The following ULK4 variants were observed in gnomAD, a reference collection of about 807,000 sequenced individuals.
ULK4 encodes the protein unc-51 like kinase 4.
A neutral mutation model predicts 160.6 loss-of-function variants in ULK4; 133 were observed. The observed-to-expected ratio is 0.83, with a 90% CI of 0.72 to 0.96. The LOEUF is 0.96. ULK4 is among the 40% of genes least tolerant of loss of function. The pLI is 0.00. For missense variants in ULK4, 1,580 were observed against 1,499.5 expected, an observed-to-expected ratio of 1.05 and a Z score of -0.89; for synonymous variants, 534 against 539.8, an observed-to-expected ratio of 0.99 and a Z score of 0.15.
chr3:41,883,136 G>A (rs1412578218), intron 17 of ULK4, among the ~76,000 whole-genome samples: 2 of 152,086 alleles, frequency 1.3e-5, no homozygotes, highest in Non-Finnish European at 2.9e-5. Context: ...GGCCAGCTGG[G>A]ATACTATCCC....
At chr3:41,814,480 G>A (rs12631935) in intron 19 of ULK4, among the ~76,000 whole-genome samples, 8,406 of 152,144 alleles carry the variant, frequency 0.055, 420 homozygotes, top group East Asian at 0.16. Flanking sequence ...TGTCACTTTG[G>A]AGAGATGTTT....
intron 31 of ULK4, among the ~76,000 whole-genome samples, chr3:41,586,105 TTAAAG>T (rs936814646): frequency 2.0e-5 from 3 of 152,138 alleles, no homozygotes; most frequent in African/African-American, 4.8e-5. Flanking sequence ...CTCAAAACAT[TTAAAG>T]TAAAGTTTTC....
chr3:41,483,137 A>G (rs1435953130), intron 32 of ULK4, among the ~76,000 whole-genome samples: 2 of 151,998 alleles, frequency 1.3e-5, no homozygotes, highest in Non-Finnish European at 2.9e-5. Context: ...TGTACCTGTT[A>G]ACCATCCCCA....
At chr3:41,255,762 C>G (rs2222576) in intron 35 of ULK4, among the ~76,000 whole-genome samples, 1,715 of 152,218 alleles carry the variant, frequency 0.011, 30 homozygotes, top group African/African-American at 0.031. Context: ...GTGAGAATTA[C>G]ATAAATCCAC....
At chr3:41,770,831 T>A (rs1288782614) in intron 21 of ULK4, among the ~76,000 whole-genome samples, 3 of 152,160 alleles carry the variant, frequency 2.0e-5, no homozygotes, top group Non-Finnish European at 4.4e-5. Flanking sequence ...ACTTTCTGAA[T>A]CATAAGTAAA....
At chr3:41,434,955 G>T (rs1384527022) in intron 34 of ULK4, among the ~76,000 whole-genome samples, 3 of 152,186 alleles carry the variant, frequency 2.0e-5, no homozygotes, top group African/African-American at 7.2e-5. Context: ...GTTTCTGCAT[G>T]ACGAATTTTG....
intron 35 of ULK4, among the ~76,000 whole-genome samples, chr3:41,279,271 A>AAAAAC (rs1479245635): frequency 1.4e-5 from 2 of 145,810 alleles, no homozygotes; most frequent in Non-Finnish European, 1.5e-5. Context: ...AAAAAAAAAA[A>AAAAAC]AAAACAAAAC....
At chr3:41,312,954 ATAAAT>A (rs1559519213) in intron 35 of ULK4, among the ~76,000 whole-genome samples, 1 of 152,226 alleles carries the variant, frequency 6.6e-6, no homozygotes, top group Non-Finnish European at 1.5e-5. Context: ...ATACAAACAA[ATAAAT>A]TAGAAATAGA....
At chr3:41,443,361 C>T (rs1054132079) in intron 34 of ULK4, among the ~76,000 whole-genome samples, 4 of 152,184 alleles carry the variant, frequency 2.6e-5, no homozygotes, top group Non-Finnish European at 4.4e-5. Context: ...TTGTAAAATG[C>T]TACACAGACT....
intron 16 of ULK4, among the ~76,000 whole-genome samples, chr3:41,893,121 T>C (rs1698026244): frequency 6.6e-6 from 1 of 152,150 alleles, no homozygotes; most frequent in African/African-American, 2.4e-5. Context: ...AAGTAGAGTA[T>C]AGGTTACCAG....
chr3:41,413,943 G>A (rs539830167), intron 34 of ULK4, among the ~76,000 whole-genome samples: 16 of 152,284 alleles, frequency 1.1e-4, no homozygotes, highest in African/African-American at 2.9e-4. Context: ...AGTGGCTCAC[G>A]CCTGTAATCC....
intron 35 of ULK4, among the ~76,000 whole-genome samples, chr3:41,300,024 T>C (rs887259379): frequency 6.6e-6 from 1 of 152,126 alleles, no homozygotes; most frequent in African/African-American, 2.4e-5. Flanking sequence ...CCATCAGATA[T>C]TTTCTACAGG....
At chr3:41,701,913 G>C (rs2036686990) in intron 27 of ULK4, among the ~76,000 whole-genome samples, 1 of 151,430 alleles carries the variant, frequency 6.6e-6, no homozygotes, top group Non-Finnish European at 1.5e-5. Context: ...AGAATAGAAA[G>C]AAAATATATA....
intron 19 of ULK4, among the ~76,000 whole-genome samples, chr3:41,817,066 C>CTG (rs55996693): frequency 0.067 from 10,027 of 148,910 alleles, 384 homozygotes; most frequent in South Asian, 0.18. Flanking sequence ...TGTGGGGAAA[C>CTG]TGTGTGTGTG....
intron 32 of ULK4, among the ~76,000 whole-genome samples, chr3:41,524,384 T>C (rs1211303265): frequency 6.6e-6 from 1 of 152,176 alleles, no homozygotes; most frequent in Admixed American, 6.5e-5. Context: ...ACCTTCTTTC[T>C]CCCACCTCTT....
intron 31 of ULK4, among the ~76,000 whole-genome samples, chr3:41,574,040 G>C (rs1452254916): frequency 6.6e-6 from 1 of 151,540 alleles, no homozygotes; most frequent in African/African-American, 2.4e-5. Flanking sequence ...AAATTAGCCA[G>C]GAGCGGTGGC....
chr3:41,718,009 T>C, intron 22 of ULK4, 148 bp from the exon 23 acceptor site: 1 of 904,568 alleles, frequency 1.1e-6, no homozygotes, highest in South Asian at 2.5e-5. Context: ...GGGCACAATT[T>C]TTGCCTCAGA....
At chr3:41,837,292 A>G (rs1268229221) in intron 17 of ULK4, among the ~76,000 whole-genome samples, 1 of 152,176 alleles carries the variant, frequency 6.6e-6, no homozygotes, top group Admixed American at 6.5e-5. Context: ...CACATTTGGC[A>G]TATGTATACA....
intron 31 of ULK4, among the ~76,000 whole-genome samples, chr3:41,570,611 A>G (rs764391774): frequency 1.3e-5 from 2 of 152,200 alleles, no homozygotes; most frequent in South Asian, 2.1e-4. Context: ...AAATAAATCT[A>G]TTGTTTCTTT....
Sources: allele counts gnomAD v4.1 joint callset (sites outside exome capture counted in the v4.1 genomes callset), GRCh38; gene constraint gnomAD v4.1.1; transcripts MANE v1.5; gene names NCBI Gene and HGNC (gene_info 2026-07-23, HGNC 2026-07-21).